The following FMN2 variants were observed in gnomAD, a reference collection of about 807,000 sequenced individuals.
The protein encoded by FMN2 is formin-2.
Under a neutral mutation model 142.3 loss-of-function variants are expected in FMN2, and 51 were observed. The observed-to-expected ratio is 0.36, with a 90% CI of 0.29 to 0.45. FMN2 has a LOEUF of 0.45. FMN2 is among the 20% of genes least tolerant of loss of function. The probability of loss-of-function intolerance (pLI) is 1.00; values close to 1 mark genes in which losing one functional copy is unlikely to be tolerated. For synonymous variants in FMN2, 882 were observed against 869.8 expected (o/e 1.01, Z -0.25); for missense variants, 1,936 against 2,122.8 (o/e 0.91, Z 1.73).
At chr1:240,276,316 T>G (rs1189918857) in intron 7 of FMN2, among the ~76,000 whole-genome samples, 1 of 152,190 alleles carries the variant, frequency 6.6e-6, no homozygotes, top group Non-Finnish European at 1.5e-5. Flanking sequence ...ATATGATATT[T>G]TATTATAGAG....
intron 6 of FMN2, among the ~76,000 whole-genome samples, chr1:240,248,196 A>G (rs74332952): frequency 0.018 from 2,681 of 151,982 alleles, 85 homozygotes; most frequent in African/African-American, 0.061. Context: ...GAGAGTGTAC[A>G]ATACTTGTCT....
intron 8 of FMN2, among the ~76,000 whole-genome samples, chr1:240,321,103 T>C (rs1041200531): frequency 2.0e-5 from 3 of 152,200 alleles, no homozygotes; most frequent in Non-Finnish European, 4.4e-5. Context: ...AGTATGTCGT[T>C]ATTTTGATGA....
At chr1:240,456,027 G>A (rs1447507778) in intron 16 of FMN2, among the ~76,000 whole-genome samples, 1 of 151,644 alleles carries the variant, frequency 6.6e-6, no homozygotes, top group African/African-American at 2.4e-5. Context: ...TCTCAGAAAA[G>A]GTAAGAGCGA....
intron 7 of FMN2, among the ~76,000 whole-genome samples, chr1:240,294,288 G>T (rs1669893240): frequency 6.6e-6 from 1 of 152,106 alleles, no homozygotes; most frequent in Non-Finnish European, 1.5e-5. Context: ...GATTTTTAAG[G>T]TAGGATCTGT....
intron 16 of FMN2, chr1:240,458,731 G>A (rs1558118486): frequency 6.6e-6 from 1 of 152,176 alleles, no homozygotes; most frequent in Non-Finnish European, 1.5e-5. Context: ...AATAAAAGAT[G>A]AATCTGGCTG....
rs931472514 is a variant in FMN2 at position 240,159,895 on chromosome 1, A to C, written c.1783-18026A>C. Among the ~76,000 whole-genome samples, 5 of 122,762 alleles carry C rather than the reference A, an allele frequency of 4.1e-5. No individual in the cohort carries two copies. In the East Asian group the frequency reaches 1.2e-3, roughly 29 times the overall value. 80.5% of individuals were successfully genotyped at this position (122,762 alleles called of 152,430 possible). A position where few individuals can be genotyped will look rare whatever the true frequency, so the allele number is the denominator to read the frequency against. On this transcript the variant is annotated intron_variant, in intron 2 of 17. Transcript: ENST00000319653. Reference sequence around the variant, plus strand: ...TTTGCATACATGGAGAGATATATATATATATCTGTGTATATATATATATAT... The same window carrying C: ...TTTGCATACATGGAGAGATATATATCTATATCTGTGTATATATATATATAT...
Position 240,329,100 on chromosome 1 carries a change from A to G in FMN2, c.4240A>G (p.Lys1414Glu), listed in dbSNP as rs1196343202. 1.2e-6 allele frequency: 2 copies of G among 1,614,126 alleles called. No homozygotes were observed. Among genetic ancestry groups the G allele is most frequent in the East Asian group, 4.5e-5 (2 of 44,832 alleles). The change falls in exon 9 of 18, where the codon AAA (lysine) becomes GAA (glutamate). Residue 1414 changes from lysine (K) to glutamate (E), a missense_variant. Lys to Glu is a moderately conservative substitution (Grantham distance 56, BLOSUM62 1). This residue lies in a region of FMN2 where 322 missense variants were observed against 401.6 expected (regional missense o/e 0.80). Transcript: ENST00000319653. ...ENRAQSDELE[K>E]IEKHGRSSKD... ...GAGAGCACAGTCAGACGAACTCGAA[A>G]AAATAGAAAAGCATGGCCGATCTTC...
intron 8 of FMN2, among the ~76,000 whole-genome samples, chr1:240,307,418 T>A (rs1474099525): frequency 6.6e-6 from 1 of 152,202 alleles, no homozygotes; most frequent in Non-Finnish European, 1.5e-5. Flanking sequence ...AGTTAATTTT[T>A]ATGTGTGGTA....
chr1:240,162,131 CAA>C (rs113464464), intron 2 of FMN2, among the ~76,000 whole-genome samples: 6 of 101,840 alleles, frequency 5.9e-5, no homozygotes, highest in Admixed American at 2.1e-4. Context: ...GACCTTGTTT[CAA>C]AAAAAAAAAA....
intron 2 of FMN2, chr1:240,142,542 T>TCA: frequency 2.5e-6 from 2 of 815,470 alleles, no homozygotes; most frequent in Non-Finnish European, 3.8e-6. Context: ...CAACCTTATC[T>TCA]CACTCAGTAA....
chr1:240,445,719 G>A (rs1041138853), intron 16 of FMN2, among the ~76,000 whole-genome samples: 7 of 47,676 alleles, frequency 1.5e-4, no homozygotes, highest in Non-Finnish European at 2.3e-4. Flanking sequence ...TTTTTTTTCT[G>A]GAGAGAAAAT....
intron 6 of FMN2, among the ~76,000 whole-genome samples, chr1:240,246,203 A>T (rs889807693): frequency 1.3e-5 from 2 of 151,984 alleles, no homozygotes; most frequent in African/African-American, 2.4e-5. Flanking sequence ...AAAAATAAAT[A>T]AAAAAAGTAG....
intron 16 of FMN2, among the ~76,000 whole-genome samples, chr1:240,441,005 T>TA: frequency 6.6e-6 from 1 of 150,462 alleles, no homozygotes; most frequent in East Asian, 2.0e-4. Flanking sequence ...TTTTTTTTTT[T>TA]TTTTTTTTGA....
intron 1 of FMN2, among the ~76,000 whole-genome samples, chr1:240,119,406 T>C (rs965353026): frequency 6.6e-6 from 1 of 151,886 alleles, no homozygotes; most frequent in African/African-American, 2.4e-5. Flanking sequence ...TAGTTATCAC[T>C]AAAGAAGGAG....
chr1:240,146,977 C>T (rs1212545546), intron 2 of FMN2, among the ~76,000 whole-genome samples: 2 of 152,044 alleles, frequency 1.3e-5, no homozygotes, highest in Non-Finnish European at 2.9e-5. Flanking sequence ...AGGTGGAAGA[C>T]GGGGCAATTA....
At chr1:240,300,545 A>G (rs1670160399) in intron 8 of FMN2, among the ~76,000 whole-genome samples, 1 of 152,146 alleles carries the variant, frequency 6.6e-6, no homozygotes, top group African/African-American at 2.4e-5. Flanking sequence ...AGCTCTTCTC[A>G]CTTTGTACTA....
rs368089932 is a variant in FMN2 at position 240,212,949 on chromosome 1, G to T, written c.4065+1714G>T. Reference sequence around the variant, plus strand: ...CCCTTTTGTTTTTTTGTGTTTTTTTGTTTGTTTGTTTTTGTTTGTTTGTTT... The same window carrying T: ...CCCTTTTGTTTTTTTGTGTTTTTTTTTTTGTTTGTTTTTGTTTGTTTGTTT... On this transcript the variant is annotated intron_variant, in intron 6 of 17. Transcript: ENST00000319653. Among the ~76,000 whole-genome samples, 1,265 of 151,140 alleles carry T rather than the reference G, an allele frequency of 8.4e-3. 24 individuals are homozygous for T. The highest frequency in any genetic ancestry group is 0.029 in the African/African-American group (1,213 of 41,384).
intron 1 of FMN2, among the ~76,000 whole-genome samples, chr1:240,113,527 C>T (rs941694141): frequency 3.1e-5 from 4 of 127,452 alleles, no homozygotes; most frequent in Non-Finnish European, 6.2e-5. Flanking sequence ...CACTGCACTC[C>T]AGCCTGGGGG....
intron 7 of FMN2, among the ~76,000 whole-genome samples, chr1:240,290,675 C>G (rs536546188): frequency 1.3e-5 from 2 of 151,976 alleles, no homozygotes; most frequent in East Asian, 3.9e-4. Flanking sequence ...GTATGAAAGC[C>G]TGAAAGATTA....
Sources: allele counts gnomAD v4.1 joint callset (sites outside exome capture counted in the v4.1 genomes callset), GRCh38; gene constraint gnomAD v4.1.1; regional missense constraint gnomAD v4.1.1; transcripts MANE v1.5; gene names NCBI Gene and HGNC (gene_info 2026-07-23, HGNC 2026-07-21).